Variants in FOXO1 observed in about 807,000 individuals in gnomAD.
The protein encoded by FOXO1 is forkhead box protein O1.
A neutral mutation model predicts 44.1 loss-of-function variants in FOXO1; 6 were observed. That is an observed-to-expected ratio of 0.14 (90% CI 0.07 to 0.27). FOXO1 has a LOEUF of 0.27. Among genes scored for constraint, FOXO1 ranks in the 10% least tolerant of loss-of-function variants. The probability of loss-of-function intolerance (pLI) is 1.00; values close to 1 mark genes in which losing one functional copy is unlikely to be tolerated. For synonymous variants in FOXO1, 380 were observed against 362.7 expected, an observed-to-expected ratio of 1.05 and a Z score of -0.54; for missense variants, 737 against 888.8, an observed-to-expected ratio of 0.83 and a Z score of 2.17.
intron 1 of FOXO1, among the ~76,000 whole-genome samples, chr13:40,664,897 G>C (rs959092581): frequency 2.6e-5 from 4 of 151,810 alleles, no homozygotes; most frequent in African/African-American, 9.7e-5. Context: ...GCCAGGCGCC[G>C]GCGCTCCGCA....
At chr13:40,645,922 C>T (rs1329554812) in intron 1 of FOXO1, among the ~76,000 whole-genome samples, 3 of 151,900 alleles carry the variant, frequency 2.0e-5, no homozygotes, top group Non-Finnish European at 4.4e-5. Flanking sequence ...CAAAACTAGC[C>T]GGGCATGGTG....
At chr13:40,559,361 A>C (rs1873884603) in intron 2 of FOXO1, 148 bp downstream of exon 2, 1 of 689,870 alleles carries the variant, frequency 1.4e-6, no homozygotes, top group South Asian at 2.7e-5. Context: ...GTAAGCTGCA[A>C]AAAGGACAGA....
chr13:40,629,867 A>G (rs1876904854), intron 1 of FOXO1, among the ~76,000 whole-genome samples: 1 of 152,340 alleles, frequency 6.6e-6, no homozygotes, highest in Admixed American at 6.5e-5. Context: ...AGGAAGCTAC[A>G]GTTGAGAAGG....
Position 40,666,197 on chromosome 13 carries a change from GA to G in FOXO1, c.15del (p.Gln6ArgfsTer66). The G allele has an allele frequency of 6.9e-7, 1 of 1,444,474 alleles. No homozygotes were observed. The highest frequency in any genetic ancestry group is 9.1e-7 in the Non-Finnish European group (1 of 1,100,382). 89.5% of individuals were successfully genotyped at this position (1,444,474 alleles called of 1,614,324 possible). A position where few individuals can be genotyped will look rare whatever the true frequency, so the allele number is the denominator to read the frequency against. On this transcript the variant is annotated frameshift_variant, in exon 1 of 3. Transcript: ENST00000379561. LOFTEE classifies it high-confidence loss of function. MAEAPQVVEIDPDFE... is the reference protein window; with the variant it reads MAEAXQVVEIDPDFE... ...AAGTCCGGGTCGATCTCCACCACCT[GA>G]GGCGCCTCGGCCATGGTGACCCCCG...
In FOXO1 at chr13:40,560,444, C is replaced by T. The variant is rs61753353; in HGVS notation, c.1047G>A (p.Pro349=). 1.3e-3 allele frequency: 2,139 copies of T among 1,614,068 alleles called. No individual in the cohort carries two copies. The highest frequency in any genetic ancestry group is 1.7e-3 in the Non-Finnish European group (2,009 of 1,179,994). ...GEGDVHSMVY[P]PSAAKMASTL... ...TAGAGGCCATCTTTGCGGCAGATGGCGGGTACACCATAGAATGCACATCCC... is the reference window on the plus strand; with the variant it reads ...TAGAGGCCATCTTTGCGGCAGATGGTGGGTACACCATAGAATGCACATCCC... The change falls in exon 2 of 3, where the codon CCG becomes CCA. Residue 349 remains proline, a synonymous_variant. Transcript: ENST00000379561. The surrounding 1 kb of genome is among the most constrained non-coding windows in gnomAD (Gnocchi z 5.1).
chr13:40,610,146 C>A (rs1240468195), intron 1 of FOXO1, among the ~76,000 whole-genome samples: 1 of 152,110 alleles, frequency 6.6e-6, no homozygotes, highest in African/African-American at 2.4e-5. Context: ...CCTGCCACAC[C>A]CTCACTCCTC....
At chr13:40,590,996 C>T (rs529254450) in intron 1 of FOXO1, among the ~76,000 whole-genome samples, 5 of 152,204 alleles carry the variant, frequency 3.3e-5, no homozygotes, top group African/African-American at 1.2e-4. Flanking sequence ...AAACACAATG[C>T]TCAGGTTCTG....
intron 1 of FOXO1, among the ~76,000 whole-genome samples, chr13:40,664,486 G>C (rs1353213739): frequency 6.6e-6 from 1 of 152,028 alleles, no homozygotes; most frequent in Non-Finnish European, 1.5e-5. Flanking sequence ...GCTCTGAAAG[G>C]CAAAAATGGC....
At chr13:40,562,524 G>A (rs141867325) in intron 1 of FOXO1, among the ~76,000 whole-genome samples, 2,686 of 152,266 alleles carry the variant, frequency 0.018, 86 homozygotes, top group African/African-American at 0.059. Flanking sequence ...TGTACTAAAT[G>A]AGATACATAA....
At chr13:40,584,458 C>A (rs1227477313) in intron 1 of FOXO1, among the ~76,000 whole-genome samples, 2 of 80,068 alleles carry the variant, frequency 2.5e-5, no homozygotes, top group Non-Finnish European at 5.0e-5. Context: ...ATTCTATCTC[C>A]ACAAAAAATG....
intron 1 of FOXO1, among the ~76,000 whole-genome samples, chr13:40,660,654 T>C (rs535012672): frequency 6.6e-6 from 1 of 152,194 alleles, no homozygotes; most frequent in Non-Finnish European, 1.5e-5. Flanking sequence ...GTGCGGAGCA[T>C]GAAATCTATG....
chr13:40,610,952 G>T (rs755230861), intron 1 of FOXO1: 4 of 394,144 alleles, frequency 1.0e-5, no homozygotes, highest in Non-Finnish European at 2.0e-5. Context: ...CATTAAGGTT[G>T]CCAGGCCTTA....
At chr13:40,646,598 G>A (rs1877518025) in intron 1 of FOXO1, among the ~76,000 whole-genome samples, 1 of 151,814 alleles carries the variant, frequency 6.6e-6, no homozygotes, top group South Asian at 2.1e-4. Context: ...TTTTTGTTTT[G>A]TTTCGTTTTG....
chr13:40,562,657 T>G (rs1566061671), intron 1 of FOXO1: 1 of 152,200 alleles, frequency 6.6e-6, no homozygotes, highest in Non-Finnish European at 1.5e-5. Context: ...GTGTGGTATG[T>G]ATAGGAGCTT....
At chr13:40,638,497 A>C (rs1306951576) in intron 1 of FOXO1, among the ~76,000 whole-genome samples, 2 of 152,246 alleles carry the variant, frequency 1.3e-5, no homozygotes, top group Non-Finnish European at 2.9e-5. Flanking sequence ...AAAAGTAAAT[A>C]GAATTCTGCC....
intron 1 of FOXO1, among the ~76,000 whole-genome samples, chr13:40,652,395 G>A (rs557385527): frequency 5.1e-4 from 76 of 149,704 alleles, no homozygotes; most frequent in Middle Eastern, 3.6e-3. Flanking sequence ...CCGCCAACAC[G>A]CCTGGCTAAT....
At chr13:40,631,515 A>G (rs1292266398) in intron 1 of FOXO1, among the ~76,000 whole-genome samples, 2 of 152,258 alleles carry the variant, frequency 1.3e-5, no homozygotes, top group African/African-American at 4.8e-5. Context: ...CCGTTTGTAC[A>G]TCCATATTCA....
intron 1 of FOXO1, among the ~76,000 whole-genome samples, chr13:40,655,900 G>A (rs1877845227): frequency 6.6e-6 from 1 of 152,094 alleles, no homozygotes; most frequent in African/African-American, 2.4e-5. Context: ...ACCTCCCAAA[G>A]TGCTGGGATT....
Position 40,578,476 on chromosome 13 carries a change from C to T in FOXO1, c.631-17616G>A, listed in dbSNP as rs2137847059. ...CTCCCATCCCACTCCACCTTCGGGA[C>T]AGTCTTTATTCCCAAAGCATCCCCA... On this transcript the variant is annotated intron_variant, in intron 1 of 2. Coordinates refer to ENST00000379561, the MANE Select transcript of FOXO1 (RefSeq NM_002015.4). Among the ~76,000 whole-genome samples the T allele has an allele frequency of 2.0e-5, 3 of 152,304 alleles. No homozygotes were observed. The Middle Eastern group carries it at 0.01, about 518-fold the overall frequency.
Sources: gnomAD v4.1 joint callset for allele counts (sites outside exome capture counted in the v4.1 genomes callset) on GRCh38, gnomAD v4.1.1 for gene constraint, Gnocchi (gnomAD v3.1) non-coding constraint, MANE v1.5 for transcripts, NCBI Gene and HGNC (gene_info 2026-07-23, HGNC 2026-07-21) for gene names.